The following ADGRL3 variants were observed in gnomAD, a reference collection of about 807,000 sequenced individuals.
ADGRL3 encodes adhesion G protein-coupled receptor L3.
ADGRL3 carries 62 observed loss-of-function variants against 153.5 expected under a neutral mutation model. The ratio of observed to expected loss-of-function variants is 0.40; its 90% CI spans 0.33 to 0.50. The LOEUF (loss-of-function observed/expected upper bound fraction) is 0.50, where lower values mean the gene tolerates loss of function less well. Ranked by LOEUF, ADGRL3 falls within the 20% of genes least tolerant of loss-of-function variation. The probability of loss-of-function intolerance (pLI) is 0.47; values close to 1 mark genes in which losing one functional copy is unlikely to be tolerated. For missense variants in ADGRL3, 1,641 were observed against 1,859.4 expected (o/e 0.88, Z 2.16); for synonymous variants, 710 against 672.5 (o/e 1.06, Z -0.86).
chr4:61,472,931 CT>C (rs2097981885), intron 2 of ADGRL3, among the ~76,000 whole-genome samples: 2 of 152,070 alleles, frequency 1.3e-5, no homozygotes, highest in Non-Finnish European at 2.9e-5. Flanking sequence ...TCTTTTGTCC[CT>C]TGTATCTGAT....
At chr4:61,754,602 G>A (rs948375626) in intron 8 of ADGRL3, among the ~76,000 whole-genome samples, 1 of 149,090 alleles carries the variant, frequency 6.7e-6, no homozygotes, top group Non-Finnish European at 1.5e-5. Context: ...AGAAAGATCT[G>A]AGTGTATATA....
intron 9 of ADGRL3, among the ~76,000 whole-genome samples, chr4:61,834,267 C>T (rs1000560314): frequency 1.3e-5 from 2 of 152,028 alleles, no homozygotes; most frequent in Non-Finnish European, 2.9e-5. Flanking sequence ...CAGCTTCATC[C>T]ATGTCCCTAT....
intron 1 of ADGRL3, among the ~76,000 whole-genome samples, chr4:61,305,890 C>A (rs1184671284): frequency 6.6e-6 from 1 of 152,016 alleles, no homozygotes; most frequent in Non-Finnish European, 1.5e-5. Context: ...TGTGGAGAAC[C>A]AGAGTGCTGC....
chr4:61,551,296 A>C (rs1224444745), intron 4 of ADGRL3, among the ~76,000 whole-genome samples: 2 of 152,126 alleles, frequency 1.3e-5, no homozygotes, highest in Non-Finnish European at 2.9e-5. Context: ...TTTATATAAA[A>C]GTTTTGTAGT....
chr4:61,345,759 A>T (rs2095887869), intron 1 of ADGRL3, among the ~76,000 whole-genome samples: 1 of 152,242 alleles, frequency 6.6e-6, no homozygotes, highest in Non-Finnish European at 1.5e-5. Context: ...GAATAAAGAT[A>T]TCAAAGAGAA....
At chr4:61,364,807 T>C (rs1319625494) in intron 1 of ADGRL3, among the ~76,000 whole-genome samples, 1 of 152,220 alleles carries the variant, frequency 6.6e-6, no homozygotes, top group Non-Finnish European at 1.5e-5. Flanking sequence ...TAGCAATGGT[T>C]ACTGTAATGT....
intron 4 of ADGRL3, among the ~76,000 whole-genome samples, chr4:61,521,237 G>T (rs985969432): frequency 2.0e-5 from 3 of 152,132 alleles, no homozygotes; most frequent in African/African-American, 7.2e-5. Context: ...ACAAGTAGTA[G>T]TTTGCCAAGC....
chr4:61,610,994 G>T (rs1048600503), intron 5 of ADGRL3, among the ~76,000 whole-genome samples: 2 of 152,046 alleles, frequency 1.3e-5, no homozygotes, highest in Non-Finnish European at 2.9e-5. Flanking sequence ...AGACCATTAT[G>T]TCAAAATGTT....
At chr4:61,358,718 C>T (rs2096234791) in intron 1 of ADGRL3, among the ~76,000 whole-genome samples, 1 of 151,824 alleles carries the variant, frequency 6.6e-6, no homozygotes, top group Non-Finnish European at 1.5e-5. Context: ...TAGTTTTCTT[C>T]AATGATTTCT....
At chr4:61,253,864 T>C in intron 1 of ADGRL3, among the ~76,000 whole-genome samples, 1 of 152,194 alleles carries the variant, frequency 6.6e-6, no homozygotes, top group East Asian at 1.9e-4. Context: ...TAGTAAATTG[T>C]TATCTCTGTG....
intron 1 of ADGRL3, among the ~76,000 whole-genome samples, chr4:61,257,428 T>C (rs545109304): frequency 5.3e-5 from 8 of 152,326 alleles, no homozygotes; most frequent in African/African-American, 1.9e-4. Context: ...GTTCTGTTGA[T>C]TATTATTCTT....
intron 6 of ADGRL3, among the ~76,000 whole-genome samples, chr4:61,679,474 A>G (rs989710643): frequency 6.6e-6 from 1 of 152,082 alleles, no homozygotes; most frequent in Non-Finnish European, 1.5e-5. Context: ...CTATTAATAA[A>G]TTCTGATTTA....
chr4:61,458,639 T>C (rs541649527), intron 2 of ADGRL3, among the ~76,000 whole-genome samples: 57 of 151,696 alleles, frequency 3.8e-4, no homozygotes, highest in Non-Finnish European at 7.1e-4. Context: ...ATAACAAAAA[T>C]ATAATGCTTT....
intron 9 of ADGRL3, among the ~76,000 whole-genome samples, chr4:61,867,573 TAAGA>T (rs1206426315): frequency 7.4e-6 from 1 of 135,868 alleles, no homozygotes; most frequent in Non-Finnish European, 1.6e-5. Context: ...TTACCCATCT[TAAGA>T]TTTATGACTG....
At chr4:61,766,672 C>T (rs201482027) in intron 8 of ADGRL3, among the ~76,000 whole-genome samples, 74,994 of 151,108 alleles carry the variant, frequency 0.5, 19,209 homozygotes, top group East Asian at 0.72. Flanking sequence ...AGCTTTGCGG[C>T]AGTACAGCCT....
At chr4:61,469,314 C>T (rs1390688465) in intron 2 of ADGRL3, among the ~76,000 whole-genome samples, 1 of 152,046 alleles carries the variant, frequency 6.6e-6, no homozygotes, top group South Asian at 2.1e-4. Flanking sequence ...ACAGTGTGTT[C>T]CCTAAAGAAT....
intron 21 of ADGRL3, among the ~76,000 whole-genome samples, chr4:62,023,161 G>GT (rs2099245859): frequency 6.6e-6 from 1 of 152,142 alleles, no homozygotes; most frequent in South Asian, 2.1e-4. Context: ...TCCAACCCTT[G>GT]TGGGTGAATG....
chr4:61,706,899 A>T (rs1174722699), intron 6 of ADGRL3, among the ~76,000 whole-genome samples: 1 of 152,136 alleles, frequency 6.6e-6, no homozygotes, highest in African/African-American at 2.4e-5. Flanking sequence ...CAGAAGTCTA[A>T]CTTTCAGCCT....
Position 61,491,188 on chromosome 4 carries a change from C to T in ADGRL3, c.-173-5933C>T, listed in dbSNP as rs1290671108. Among the ~76,000 whole-genome samples, 11 of 152,108 alleles carry T rather than the reference C, an allele frequency of 7.2e-5. No homozygotes were observed. The East Asian group carries it at 1.7e-3, about 24-fold the overall frequency. ...CTTCCATGTAGAACCACTTTTGGAA[C>T]GATAATTTTTTTGTGAGAGATGTCC... On this transcript the variant is annotated intron_variant, in intron 2 of 26. Coordinates refer to ENST00000683033, the MANE Select transcript of ADGRL3 (RefSeq NM_001387552.1).
Sources: gnomAD v4.1 joint callset for allele counts (sites outside exome capture counted in the v4.1 genomes callset) on GRCh38, gnomAD v4.1.1 for gene constraint, MANE v1.5 for transcripts, NCBI Gene and HGNC (gene_info 2026-07-23, HGNC 2026-07-21) for gene names.